Variants in CSMD1 observed in about 807,000 individuals in gnomAD.
The protein encoded by CSMD1 is CUB and sushi domain-containing protein 1.
Under a neutral mutation model 417.5 loss-of-function variants are expected in CSMD1, and 213 were observed. The ratio of observed to expected loss-of-function variants is 0.51; its 90% CI spans 0.46 to 0.57. CSMD1 has a LOEUF of 0.57. CSMD1 is among the 20% of genes least tolerant of loss of function. The pLI is 0.00. For synonymous variants in CSMD1, 2,862 were observed against 1,736.8 expected (o/e 1.65, Z -16.11); for missense variants, 6,923 against 4,529.7 (o/e 1.53, Z -15.17).
At chr8:4,108,247 T>TA (rs774549297) in intron 3 of CSMD1, among the ~76,000 whole-genome samples, 25 of 152,206 alleles carry the variant, frequency 1.6e-4, no homozygotes, top group Non-Finnish European at 3.4e-4. Context: ...ATTTAATTTC[T>TA]ATAGGTTGAG....
At chr8:4,756,899 T>A (rs1811702086) in intron 1 of CSMD1, among the ~76,000 whole-genome samples, 1 of 152,214 alleles carries the variant, frequency 6.6e-6, no homozygotes, top group Admixed American at 6.5e-5. Context: ...GCAGTCCAAA[T>A]CATCCTTTAA....
chr8:3,714,032 ATAG>A (rs1404479439), intron 6 of CSMD1, among the ~76,000 whole-genome samples: 1 of 148,474 alleles, frequency 6.7e-6, no homozygotes, highest in Non-Finnish European at 1.5e-5. Flanking sequence ...ATGCAGATAG[ATAG>A]ATAGATAGAT....
chr8:3,728,714 G>C (rs560950498), intron 6 of CSMD1, among the ~76,000 whole-genome samples: 1 of 152,272 alleles, frequency 6.6e-6, no homozygotes, highest in East Asian at 1.9e-4. Context: ...AATGATGCAA[G>C]TTAAAATGGT....
In CSMD1 at chr8:4,563,123, C is replaced by T. The variant is rs925806724; in HGVS notation, c.302+74219G>A. 4.6e-5 allele frequency among the ~76,000 whole-genome samples: 7 copies of T among 152,186 alleles called. No homozygotes were observed. The South Asian group carries it at 6.2e-4, about 14-fold the overall frequency. On this transcript the variant is annotated intron_variant, in intron 2 of 69. Transcript: ENST00000635120. ...CTCCTAAAAAATAAAAACAATGGGC[C>T]GGGCACAGTGACTCATGCCTGTAAT...
intron 6 of CSMD1, among the ~76,000 whole-genome samples, chr8:3,728,123 C>T (rs558716546): frequency 5.9e-5 from 9 of 152,120 alleles, no homozygotes; most frequent in African/African-American, 9.7e-5. Context: ...TTCCCACGTG[C>T]GATGGGAGGG....
At chr8:4,931,506 G>C (rs1318366392) in intron 1 of CSMD1, among the ~76,000 whole-genome samples, 1 of 152,132 alleles carries the variant, frequency 6.6e-6, no homozygotes, top group African/African-American at 2.4e-5. Context: ...ATTATGTTAT[G>C]TATCCATGAA....
At chr8:3,275,071 T>C (rs1296607423) in intron 26 of CSMD1, among the ~76,000 whole-genome samples, 1 of 152,200 alleles carries the variant, frequency 6.6e-6, no homozygotes, top group Non-Finnish European at 1.5e-5. Flanking sequence ...TGGTACCTTT[T>C]GTTCCTTTCC....
rs1440482534 is a variant in CSMD1, at chr8:4,257,762, T to A, written c.415+162191A>T. Among the ~76,000 whole-genome samples the A allele has an allele frequency of 3.9e-5, 6 of 152,186 alleles. No individual in the cohort carries two copies. In the South Asian group the frequency reaches 1.2e-3, roughly 32 times the overall value. ...GCTTTCCCGTTTGTTAGGCCAAGGA[T>A]AAAACAGCATCCGCCTCGTAGGAAT... On this transcript the variant is annotated intron_variant, in intron 3 of 69. Coordinates refer to ENST00000635120, the MANE Select transcript of CSMD1 (RefSeq NM_033225.6).
intron 5 of CSMD1, among the ~76,000 whole-genome samples, chr8:3,821,381 A>G (rs1234274100): frequency 6.6e-6 from 1 of 152,216 alleles, no homozygotes; most frequent in African/African-American, 2.4e-5. Context: ...GCAGGTTTGC[A>G]TATGGCACCA....
In CSMD1 at chr8:4,724,487, A is replaced by G. The variant is rs1275942343; in HGVS notation, c.86-86929T>C. 2.6e-5 allele frequency among the ~76,000 whole-genome samples: 4 copies of G among 151,262 alleles called. No individual in the cohort carries two copies. The East Asian group carries it at 5.8e-4, about 22-fold the overall frequency. ...TATAAGTAGCTGGGAGTTCATCTTT[A>G]TAAGTACTAATATAGTAGCTCTTTA... On this transcript the variant is annotated intron_variant, in intron 1 of 69. Coordinates refer to ENST00000635120, the MANE Select transcript of CSMD1 (RefSeq NM_033225.6).
chr8:4,181,762 A>T (rs1042016779), intron 3 of CSMD1, among the ~76,000 whole-genome samples: 2 of 152,324 alleles, frequency 1.3e-5, no homozygotes, highest in Non-Finnish European at 1.5e-5. Context: ...TTATCTTGTC[A>T]TTGAAATATT....
intron 3 of CSMD1, among the ~76,000 whole-genome samples, chr8:4,050,263 G>C (rs755256525): frequency 1.3e-5 from 2 of 152,040 alleles, no homozygotes; most frequent in African/African-American, 4.8e-5. Flanking sequence ...CTTCCTTGCA[G>C]CCTATACTCT....
intron 1 of CSMD1, among the ~76,000 whole-genome samples, chr8:4,858,559 C>T (rs1440763655): frequency 1.4e-4 from 22 of 152,170 alleles, no homozygotes; most frequent in Non-Finnish European, 2.4e-4. Context: ...TAAACAACTT[C>T]GGCAAAGTCT....
At chr8:3,186,678 A>C (rs978913982) in intron 36 of CSMD1, among the ~76,000 whole-genome samples, 1 of 152,212 alleles carries the variant, frequency 6.6e-6, no homozygotes, top group Non-Finnish European at 1.5e-5. Context: ...ATCCACAGTT[A>C]AGAAAAAATA....
chr8:3,300,977 A>T (rs972010637), intron 25 of CSMD1, among the ~76,000 whole-genome samples: 2 of 150,048 alleles, frequency 1.3e-5, no homozygotes, highest in Non-Finnish European at 3.0e-5. Flanking sequence ...AAAAAAAAAA[A>T]AAAAGAGAAA....
intron 3 of CSMD1, among the ~76,000 whole-genome samples, chr8:4,076,741 C>T (rs1190295990): frequency 6.6e-6 from 1 of 152,164 alleles, no homozygotes; most frequent in African/African-American, 2.4e-5. Context: ...AGCCCTGACC[C>T]ACCCTGGGGA....
intron 7 of CSMD1, among the ~76,000 whole-genome samples, chr8:3,622,382 A>G (rs1329833418): frequency 1.3e-5 from 2 of 152,212 alleles, no homozygotes; most frequent in Non-Finnish European, 2.9e-5. Context: ...ACTTTTCCAC[A>G]ATACCCAAAC....
rs771286310 is a variant in CSMD1, at chr8:3,369,267, C to G, written c.2886G>C (p.Val962=). 1 of 1,544,794 alleles carries G rather than the reference C, an allele frequency of 6.5e-7. No individual in the cohort carries two copies. The highest frequency in any genetic ancestry group is 1.4e-5 in the African/African-American group (1 of 73,462). The stretch of plus-strand genomic sequence containing the variant: ...ATAGATTCTTACCTTTCCCATGAGA[C>G]ACTTCAATGGTCCACGTGCAGTTTA... ...NSLNCTWTIE[V]SHGKGVQMIF... The change falls in exon 19 of 70, where the codon GTG becomes GTC. Residue 962 remains valine (V), a synonymous_variant. Transcript: ENST00000635120.
At chr8:3,400,210 A>G (rs1222523795) in intron 15 of CSMD1, among the ~76,000 whole-genome samples, 1 of 152,190 alleles carries the variant, frequency 6.6e-6, no homozygotes, top group Non-Finnish European at 1.5e-5. Context: ...AATTTTAAAT[A>G]GCATACCAAT....
Sources: gnomAD v4.1 joint callset for allele counts (sites outside exome capture counted in the v4.1 genomes callset) on GRCh38, gnomAD v4.1.1 for gene constraint, MANE v1.5 for transcripts, NCBI Gene and HGNC (gene_info 2026-07-23, HGNC 2026-07-21) for gene names.